The following CSMD1 variants were observed in gnomAD, a reference collection of about 807,000 sequenced individuals.
The protein encoded by CSMD1 is CUB and sushi domain-containing protein 1.
A neutral mutation model predicts 417.5 loss-of-function variants in CSMD1; 213 were observed. The observed-to-expected ratio is 0.51, with a 90% CI of 0.46 to 0.57. The LOEUF (loss-of-function observed/expected upper bound fraction) is 0.57. Ranked by LOEUF, CSMD1 falls within the 20% of genes least tolerant of loss-of-function variation. The pLI, the probability that CSMD1 is intolerant of heterozygous loss-of-function variation, is 0.00. For missense variants in CSMD1, 6,923 were observed against 4,529.7 expected, an observed-to-expected ratio of 1.53 and a Z score of -15.17; for synonymous variants, 2,862 against 1,736.8, an observed-to-expected ratio of 1.65 and a Z score of -16.11.
chr8:4,043,779 G>C (rs1017032744), intron 3 of CSMD1, among the ~76,000 whole-genome samples: 4 of 152,020 alleles, frequency 2.6e-5, no homozygotes, highest in African/African-American at 9.7e-5. Flanking sequence ...ATGCTGGAAC[G>C]CTTTATATAT....
chr8:3,891,338 C>G (rs112748313), intron 5 of CSMD1, among the ~76,000 whole-genome samples: 6,885 of 152,230 alleles, frequency 0.045, 218 homozygotes, highest in African/African-American at 0.083. Flanking sequence ...GCGTGAGCCA[C>G]CGCGCCTATC....
intron 5 of CSMD1, among the ~76,000 whole-genome samples, chr8:3,883,852 C>A (rs959627982): frequency 7.2e-5 from 11 of 151,752 alleles, no homozygotes; most frequent in African/African-American, 2.7e-4. Flanking sequence ...ACAATTTTGA[C>A]AGAAAAGAGG....
At chr8:3,074,818 A>C (rs926317665) in intron 49 of CSMD1, among the ~76,000 whole-genome samples, 2 of 152,222 alleles carry the variant, frequency 1.3e-5, no homozygotes, top group Admixed American at 6.5e-5. Flanking sequence ...GTGTGATATC[A>C]TTCAATTGAT....
intron 1 of CSMD1, among the ~76,000 whole-genome samples, chr8:4,698,850 G>C (rs1449084073): frequency 6.6e-6 from 1 of 151,424 alleles, no homozygotes; most frequent in African/African-American, 2.4e-5. Flanking sequence ...AACCAATAGG[G>C]TTACTTCAAT....
chr8:3,894,396 C>A (rs1807210594), intron 5 of CSMD1, among the ~76,000 whole-genome samples: 2 of 152,216 alleles, frequency 1.3e-5, no homozygotes, highest in South Asian at 4.1e-4. Context: ...TCCTTCATGG[C>A]TTAGACATTT....
chr8:4,728,000 T>TGTATA (rs1809581036), intron 1 of CSMD1, among the ~76,000 whole-genome samples: 3 of 140,928 alleles, frequency 2.1e-5, no homozygotes, highest in Admixed American at 7.1e-5. Context: ...AAATATATAT[T>TGTATA]TATATACAAA....
chr8:3,176,030 G>C (rs961202490), intron 37 of CSMD1, among the ~76,000 whole-genome samples: 1 of 152,098 alleles, frequency 6.6e-6, no homozygotes, highest in Non-Finnish European at 1.5e-5. Flanking sequence ...ATTTTGGATA[G>C]ATGTCATTAG....
intron 23 of CSMD1, among the ~76,000 whole-genome samples, chr8:3,318,895 G>A (rs1472996625): frequency 6.6e-6 from 1 of 152,050 alleles, no homozygotes; most frequent in East Asian, 1.9e-4. Context: ...ACTAACACAG[G>A]TCATGCTTGA....
chr8:4,465,372 A>G (rs1366804955), intron 2 of CSMD1, among the ~76,000 whole-genome samples: 3 of 152,162 alleles, frequency 2.0e-5, no homozygotes, highest in African/African-American at 7.2e-5. Context: ...CTAAAGATAA[A>G]TGAGAAAACA....
chr8:3,523,954 C>G (rs893104424), intron 10 of CSMD1, among the ~76,000 whole-genome samples: 2 of 151,428 alleles, frequency 1.3e-5, no homozygotes, highest in African/African-American at 2.4e-5. Context: ...CGTGCATACA[C>G]ATGCACACTT....
chr8:4,350,856 T>G (rs1054433578), intron 3 of CSMD1, among the ~76,000 whole-genome samples: 2 of 152,324 alleles, frequency 1.3e-5, no homozygotes, highest in South Asian at 4.1e-4. Context: ...TATCTGCCAG[T>G]GGCTCTAGTT....
intron 3 of CSMD1, among the ~76,000 whole-genome samples, chr8:4,130,239 A>T (rs1299595657): frequency 6.6e-6 from 1 of 152,126 alleles, no homozygotes; most frequent in Non-Finnish European, 1.5e-5. Context: ...TCTAGTATGT[A>T]AGTTTGGAGA....
chr8:4,209,197 G>T (rs372864075), intron 3 of CSMD1, among the ~76,000 whole-genome samples: 2 of 151,994 alleles, frequency 1.3e-5, no homozygotes, highest in Admixed American at 6.6e-5. Context: ...TGGCTTTATC[G>T]CTCACCTTTT....
chr8:4,649,829 T>A (rs531936699), intron 1 of CSMD1, among the ~76,000 whole-genome samples: 1 of 152,356 alleles, frequency 6.6e-6, no homozygotes, highest in African/African-American at 2.4e-5. Context: ...GACCTGATAC[T>A]ACAATATGAG....
intron 18 of CSMD1, among the ~76,000 whole-genome samples, chr8:3,387,045 A>G (rs1290325642): frequency 6.6e-6 from 1 of 152,216 alleles, no homozygotes; most frequent in Non-Finnish European, 1.5e-5. Context: ...TTCTGAGCTC[A>G]GAATGAGAAC....
intron 2 of CSMD1, among the ~76,000 whole-genome samples, chr8:4,464,466 A>G (rs1158598171): frequency 2.0e-5 from 3 of 152,220 alleles, no homozygotes; most frequent in Non-Finnish European, 4.4e-5. Context: ...TACAGCTGGG[A>G]AAACCACCTA....
At chr8:4,502,783 G>T (rs1283692825) in intron 2 of CSMD1, among the ~76,000 whole-genome samples, 2 of 152,252 alleles carry the variant, frequency 1.3e-5, no homozygotes, top group Middle Eastern at 3.4e-3. Flanking sequence ...ACAAGAGCAT[G>T]ACCAATCTGT....
chr8:3,344,516 G>C (rs1807862333), intron 22 of CSMD1, among the ~76,000 whole-genome samples: 1 of 152,178 alleles, frequency 6.6e-6, no homozygotes, highest in African/African-American at 2.4e-5. Flanking sequence ...AATAACAACA[G>C]AGCACTAGGT....
chr8:3,382,516 T>C (rs1030135997), intron 18 of CSMD1, among the ~76,000 whole-genome samples: 2 of 135,516 alleles, frequency 1.5e-5, no homozygotes, highest in African/African-American at 5.4e-5. Context: ...TTTATATATA[T>C]ATAAATTTAT....
Sources: allele counts gnomAD v4.1 joint callset (sites outside exome capture counted in the v4.1 genomes callset), GRCh38; gene constraint gnomAD v4.1.1; transcripts MANE v1.5; gene names NCBI Gene and HGNC (gene_info 2026-07-23, HGNC 2026-07-21).